LAMB1: variants seen among roughly 807,000 people sequenced by gnomAD.
LAMB1 encodes laminin subunit beta 1.
A neutral mutation model predicts 222.3 loss-of-function variants in LAMB1; 121 were observed. That is an observed-to-expected ratio of 0.54 (90% CI 0.47 to 0.63). The LOEUF (loss-of-function observed/expected upper bound fraction) is 0.63, where lower values mean the gene tolerates loss of function less well. Ranked by LOEUF, LAMB1 falls within the 30% of genes least tolerant of loss-of-function variation. The probability of loss-of-function intolerance (pLI) is 0.00; values close to 1 mark genes in which losing one functional copy is unlikely to be tolerated. For missense variants in LAMB1, 2,172 were observed against 2,240.8 expected, an observed-to-expected ratio of 0.97 and a Z score of 0.62; for synonymous variants, 794 against 807.2, an observed-to-expected ratio of 0.98 and a Z score of 0.28.
At chr7:107,982,614 A>G (rs985792310) in intron 7 of LAMB1, among the ~76,000 whole-genome samples, 2 of 152,126 alleles carry the variant, frequency 1.3e-5, no homozygotes, top group African/African-American at 4.8e-5. Context: ...GAGGCCAAAC[A>G]ACAAACTTGA....
chr7:107,956,744 G>T (rs533175169), intron 20 of LAMB1, among the ~76,000 whole-genome samples: 1 of 152,316 alleles, frequency 6.6e-6, no homozygotes, highest in East Asian at 1.9e-4. Flanking sequence ...AGCTGAGGGG[G>T]TGACAGGGGT....
chr7:107,965,631 T>C (rs775283564), intron 13 of LAMB1, among the ~76,000 whole-genome samples: 1 of 152,148 alleles, frequency 6.6e-6, no homozygotes, highest in East Asian at 1.9e-4. Flanking sequence ...AATACAAAAC[T>C]CAAATTACAT....
intron 8 of LAMB1, 132 bp from the exon 9 acceptor site, chr7:107,978,299 G>A: frequency 9.6e-7 from 1 of 1,043,682 alleles, no homozygotes; most frequent in Non-Finnish European, 1.4e-6. Flanking sequence ...GGGTTGTTTG[G>A]TTGTTTTTAT....
chr7:107,971,923 T>C (rs2033756287), intron 13 of LAMB1, among the ~76,000 whole-genome samples: 1 of 152,112 alleles, frequency 6.6e-6, no homozygotes, highest in Admixed American at 6.6e-5. Flanking sequence ...ACTTTAGGAG[T>C]GATGACAGCT....
intron 4 of LAMB1, among the ~76,000 whole-genome samples, chr7:107,996,986 T>C (rs75947476): frequency 1.5e-3 from 228 of 152,318 alleles, no homozygotes; most frequent in African/African-American, 5.1e-3. Context: ...TCAACCAAAA[T>C]ATGCCCCCGT....
Position 107,951,989 on chromosome 7 carries a change from C to G in LAMB1, c.3294+20G>C. ...ACACCTGAGCTCATAAAGGCATCAT[C>G]CCCAGCAGCAGCCCCTCACCTCATT... On this transcript the variant is annotated intron_variant, in intron 23 of 33. Transcript: ENST00000222399. 1 of 1,592,560 alleles carries G rather than the reference C, an allele frequency of 6.3e-7. No individual in the cohort carries two copies. The highest frequency in any genetic ancestry group is 8.6e-7 in the Non-Finnish European group (1 of 1,165,720).
intron 27 of LAMB1, among the ~76,000 whole-genome samples, chr7:107,933,077 C>G (rs951301347): frequency 2.0e-5 from 3 of 152,196 alleles, no homozygotes; most frequent in Non-Finnish European, 4.4e-5. Flanking sequence ...ATTACCACCC[C>G]CGACTGCCAT....
At chr7:107,946,233 C>T (rs1208234655) in intron 24 of LAMB1, among the ~76,000 whole-genome samples, 4 of 152,226 alleles carry the variant, frequency 2.6e-5, no homozygotes. Flanking sequence ...TTTCTATTTA[C>T]TAAAAGCAAG....
chr7:107,991,142 C>T (rs945559366), intron 5 of LAMB1, among the ~76,000 whole-genome samples: 1 of 151,964 alleles, frequency 6.6e-6, no homozygotes, highest in African/African-American at 2.4e-5. Context: ...AAATAAAGCA[C>T]AAAATAACAT....
At chr7:107,958,704 G>A (rs147250441) in intron 20 of LAMB1, among the ~76,000 whole-genome samples, 86 of 152,238 alleles carry the variant, frequency 5.6e-4, no homozygotes, top group Non-Finnish European at 2.1e-4. Flanking sequence ...TGTTATGGAG[G>A]TATATTCTCT....
Position 107,935,237 on chromosome 7 carries a change from G to T in LAMB1, c.4188+178C>A, listed in dbSNP as rs1584487037. ...ATGCTGCTGCTTTTAATCTGTCTTGGTTACAGATACCCCATTCCAGGATCC... is the reference window on the plus strand; with the variant it reads ...ATGCTGCTGCTTTTAATCTGTCTTGTTTACAGATACCCCATTCCAGGATCC... On this transcript the variant is annotated intron_variant, in intron 27 of 33. Coordinates refer to ENST00000222399, the MANE Select transcript of LAMB1 (RefSeq NM_002291.3). 5 of 876,224 alleles carry T rather than the reference G, an allele frequency of 5.7e-6. No individual in the cohort carries two copies. In the East Asian group the frequency reaches 1.3e-4, roughly 22 times the overall value. 54.3% of individuals were successfully genotyped at this position (876,224 alleles called of 1,614,324 possible).
At chr7:107,979,290 C>A (rs1242705566) in intron 8 of LAMB1, among the ~76,000 whole-genome samples, 1 of 152,214 alleles carries the variant, frequency 6.6e-6, no homozygotes, top group African/African-American at 2.4e-5. Flanking sequence ...AAAGTTCTAA[C>A]TGGAGTAAAG....
rs1166837027 is a variant in LAMB1 at position 107,926,332 on chromosome 7, C to T, written c.4915G>A (p.Glu1639Lys). 1.2e-6 allele frequency: 2 copies of T among 1,613,876 alleles called. No individual in the cohort carries two copies. Among genetic ancestry groups the T allele is most frequent in the Admixed American group, 1.7e-5 (1 of 59,992 alleles). The change falls in exon 32 of 34, where the codon GAA (glutamate) becomes AAA (lysine). Residue 1639 changes from glutamate (E) to lysine (K), a missense_variant. Glu to Lys is a moderately conservative substitution (Grantham distance 56). Coordinates refer to ENST00000222399, the MANE Select transcript of LAMB1 (RefSeq NM_002291.3). Reference protein sequence around the residue: ...SIESETAASEETLFNASQRIS... With the variant: ...SIESETAASEKTLFNASQRIS... ...CGCTGGGACGCGTTGAACAAGGTTT[C>T]CTCAGAAGCTGCTGTTTCAGACTCA... is the stretch of plus-strand genomic sequence containing the variant.
rs181601552 is a variant in LAMB1 at position 107,996,462 on chromosome 7, C to T, written c.350-1502G>A. 1.3e-3 allele frequency among the ~76,000 whole-genome samples: 193 copies of T among 152,272 alleles called. 1 individual carries two copies. Among genetic ancestry groups the T allele is most frequent in the African/African-American group, 4.3e-3 (178 of 41,534 alleles). ...GGACACTGATAATTTAGCCCCGCCACGTATAAGCACAACTTGTGCACAACA... is the reference window on the plus strand; with the variant it reads ...GGACACTGATAATTTAGCCCCGCCATGTATAAGCACAACTTGTGCACAACA... On this transcript the variant is annotated intron_variant, in intron 4 of 33. Coordinates refer to ENST00000222399, the MANE Select transcript of LAMB1 (RefSeq NM_002291.3).
intron 7 of LAMB1, among the ~76,000 whole-genome samples, chr7:107,982,607 G>A (rs1345485296): frequency 2.0e-5 from 3 of 152,094 alleles, no homozygotes; most frequent in Admixed American, 6.6e-5. Context: ...TTGACAAGAG[G>A]CCAAACAACA....
At chr7:107,924,523 A>T (rs1000510058) in intron 32 of LAMB1, 134 bp from the exon 33 acceptor site, 2 of 613,960 alleles carry the variant, frequency 3.3e-6, no homozygotes, top group Non-Finnish European at 5.1e-6. Context: ...GTAATTTAAA[A>T]TTTTATCTTC....
intron 5 of LAMB1, among the ~76,000 whole-genome samples, chr7:107,993,835 T>C (rs1486915562): frequency 1.3e-5 from 2 of 152,136 alleles, no homozygotes; most frequent in Non-Finnish European, 2.9e-5. Context: ...ATACCAGGTG[T>C]CACAGTCACA....
At chr7:107,942,515 T>C (rs2033015228) in intron 24 of LAMB1, 1 of 152,188 alleles carries the variant, frequency 6.6e-6, no homozygotes, top group Non-Finnish European at 1.5e-5. Context: ...GAGTACAGCA[T>C]TATGGTTAAG....
intron 13 of LAMB1, among the ~76,000 whole-genome samples, chr7:107,971,364 G>T (rs1421275303): frequency 6.6e-6 from 1 of 152,104 alleles, no homozygotes; most frequent in African/African-American, 2.4e-5. Context: ...TCAGGTAAAA[G>T]GTTTTGATGA....
Sources: gnomAD v4.1 joint callset for allele counts (sites outside exome capture counted in the v4.1 genomes callset) on GRCh38, gnomAD v4.1.1 for gene constraint, MANE v1.5 for transcripts, NCBI Gene and HGNC (gene_info 2026-07-23, HGNC 2026-07-21) for gene names.